ACSM2B: variants seen among roughly 807,000 people sequenced by gnomAD.
ACSM2B encodes the protein acyl-CoA synthetase medium chain family member 2B, also known as acyl-coenzyme A synthetase ACSM2B, mitochondrial.
A neutral mutation model predicts 78.6 loss-of-function variants in ACSM2B; 58 were observed. The observed-to-expected ratio is 0.74, with a 90% confidence interval of 0.60 to 0.92. The LOEUF (loss-of-function observed/expected upper bound fraction) is 0.92. ACSM2B is among the 40% of genes least tolerant of loss of function. The probability of loss-of-function intolerance (pLI) is 0.00; values close to 1 mark genes in which losing one functional copy is unlikely to be tolerated. For synonymous variants in ACSM2B, 257 were observed against 256.8 expected, an observed-to-expected ratio of 1.00 and a Z score of -0.01; for missense variants, 688 against 711.2, an observed-to-expected ratio of 0.97 and a Z score of 0.37.
rs552030555 is a variant in ACSM2B at position 20,548,479 on chromosome 16, A to G, written c.895-6T>C. ...ATTGGATAACTGGAGAGTGTCTGGAAGACAAGAGCCAGGTGAGACATTGGT... is the reference window on the plus strand; with the variant it reads ...ATTGGATAACTGGAGAGTGTCTGGAGGACAAGAGCCAGGTGAGACATTGGT... On this transcript the variant is annotated splice_polypyrimidine_tract_variant and splice_region_variant and intron_variant, in intron 6 of 13. Coordinates refer to ENST00000329697, the MANE Select transcript of ACSM2B (RefSeq NM_001105069.2). 45 of 1,613,588 alleles carry G rather than the reference A, an allele frequency of 2.8e-5. No homozygotes were observed. Among genetic ancestry groups the G allele is most frequent in the Admixed American group, 1.0e-4 (6 of 59,996 alleles).
chr16:20,538,949 C>T (rs1210436344), intron 13 of ACSM2B, among the ~76,000 whole-genome samples: 1 of 152,220 alleles, frequency 6.6e-6, no homozygotes, highest in Non-Finnish European at 1.5e-5. Flanking sequence ...CACCAGACCC[C>T]TGTGGGGATT....
At chr16:20,553,041 C>T (rs1186953373) in intron 5 of ACSM2B, among the ~76,000 whole-genome samples, 1 of 152,034 alleles carries the variant, frequency 6.6e-6, no homozygotes, top group Admixed American at 6.6e-5. Context: ...GTAATTTATC[C>T]CCATCTTTTA....
chr16:20,566,312 T>C (rs1371239850), intron 1 of ACSM2B, among the ~76,000 whole-genome samples: 36 of 135,194 alleles, frequency 2.7e-4, no homozygotes, highest in African/African-American at 8.6e-4. Flanking sequence ...TATAAATATA[T>C]ATCCATCAGC....
chr16:20,561,510 C>G (rs1251700472), intron 2 of ACSM2B, among the ~76,000 whole-genome samples: 1 of 151,698 alleles, frequency 6.6e-6, no homozygotes, highest in Non-Finnish European at 1.5e-5. Context: ...GGTGCTAAGT[C>G]ATTCGTGTGG....
chr16:20,549,320 G>A (rs1193082413), intron 6 of ACSM2B, among the ~76,000 whole-genome samples: 1 of 152,084 alleles, frequency 6.6e-6, no homozygotes, highest in African/African-American at 2.4e-5. Context: ...TGCAGTTCTA[G>A]GGGCTGGAAA....
chr16:20,566,735 T>C (rs2015892246), intron 1 of ACSM2B, among the ~76,000 whole-genome samples: 1 of 12,062 alleles, frequency 8.3e-5, no homozygotes, highest in African/African-American at 4.4e-4. Flanking sequence ...CTATATATAG[T>C]ATATACTATA....
chr16:20,544,200 C>T (rs983793244), intron 10 of ACSM2B, among the ~76,000 whole-genome samples: 1 of 152,190 alleles, frequency 6.6e-6, no homozygotes, highest in Non-Finnish European at 1.5e-5. Context: ...TGTGGCTCTG[C>T]CCTGATCGCT....
Position 20,552,235 on chromosome 16 carries a change from T to C in ACSM2B, c.803A>G (p.Asn268Ser). Residue 268 changes from asparagine (N) to serine (S), a missense_variant, in exon 6 of 14, where the codon AAC becomes AGC. Coordinates refer to ENST00000329697, the MANE Select transcript of ACSM2B (RefSeq NM_001105069.2). ...AGATTCCAAAAGTGAGCCCAAGATG[T>C]TCAGTATCCAACCTGTGTCTGATAT... ...WTISDTGWILNILGSLLESWT... is the reference protein window; with the variant it reads ...WTISDTGWILSILGSLLESWT... 6 of 1,613,912 alleles carry C rather than the reference T, an allele frequency of 3.7e-6. No individual in the cohort carries two copies. Among genetic ancestry groups the C allele is most frequent in the Non-Finnish European group, 5.1e-6 (6 of 1,179,846 alleles).
intron 1 of ACSM2B, among the ~76,000 whole-genome samples, chr16:20,575,248 G>A (rs1408683985): frequency 6.6e-6 from 1 of 151,468 alleles, no homozygotes; most frequent in African/African-American, 2.4e-5. Context: ...GGGTTCTCTA[G>A]AGAAACAGAA....
intron 1 of ACSM2B, among the ~76,000 whole-genome samples, chr16:20,570,618 C>T (rs1186529760): frequency 1.3e-5 from 2 of 151,586 alleles, no homozygotes; most frequent in African/African-American, 2.4e-5. Context: ...TGTGGAATAG[C>T]GTCGATAGGA....
intron 2 of ACSM2B, among the ~76,000 whole-genome samples, chr16:20,564,011 C>G (rs1222092367): frequency 6.6e-6 from 1 of 150,492 alleles, no homozygotes; most frequent in East Asian, 1.9e-4. Flanking sequence ...CTTTTGATAA[C>G]TGTCACCTCG....
chr16:20,550,147 G>T (rs1218525796), intron 6 of ACSM2B, among the ~76,000 whole-genome samples: 4 of 152,170 alleles, frequency 2.6e-5, no homozygotes, highest in Non-Finnish European at 5.9e-5. Context: ...AGTCCATTCA[G>T]ATGGTTGGGA....
chr16:20,558,716 C>G (rs1450161232), intron 3 of ACSM2B, among the ~76,000 whole-genome samples: 3 of 152,158 alleles, frequency 2.0e-5, no homozygotes, highest in African/African-American at 7.2e-5. Context: ...CTGCAAAGAG[C>G]CAAATAGTAA....
At position 20,537,281 on chromosome 16, in the gene ACSM2B, A is replaced by T. The variant is rs753047992; in HGVS notation, c.1711T>A (p.Ser571Thr). The change falls in exon 14 of 14, where the codon TCC (serine) becomes ACC (threonine). Residue 571 changes from serine (S) to threonine (T), a missense_variant. Transcript: ENST00000329697. The stretch of plus-strand genomic sequence containing the variant: ...CCTCACTGCGCACGGGCTTTTCCGG[A>T]CATCTTCCACTCCTTGTCTCGAAGT... ...TKLRDKEWKM[S>T]GKARAQ is the part of the protein sequence containing the mutation. The T allele has an allele frequency of 6.2e-7, 1 of 1,614,058 alleles. No homozygotes were observed. The highest frequency in any genetic ancestry group is 1.1e-5 in the South Asian group (1 of 91,078).
rs539659203 is a variant in ACSM2B, at chr16:20,537,148, C to T, written c.*110G>A. The T allele has an allele frequency of 6.8e-6, 9 of 1,330,156 alleles. No individual in the cohort carries two copies. In the East Asian group the frequency reaches 1.6e-4, roughly 24 times the overall value. 82.4% of individuals were successfully genotyped at this position (1,330,156 alleles called of 1,614,324 possible). On this transcript the variant is annotated 3_prime_UTR_variant, in exon 14 of 14. Transcript: ENST00000329697. ...AATAACCAGGGCAAGACAAAACTTA[C>T]ATTCATGTTCTTTCATAAAGAATCT...
At chr16:20,554,325 G>T in intron 4 of ACSM2B, 1 of 363,430 alleles carries the variant, frequency 2.8e-6, no homozygotes, top group South Asian at 2.2e-5. Flanking sequence ...TGGACAGGAG[G>T]GGTGGAATTA....
intron 2 of ACSM2B, among the ~76,000 whole-genome samples, chr16:20,560,160 T>A (rs188306132): frequency 8.6e-5 from 13 of 151,140 alleles, no homozygotes; most frequent in African/African-American, 3.2e-4. Context: ...CGTTACACAA[T>A]CACCTGTCAT....
At chr16:20,547,847 A>T (rs539415278) in intron 8 of ACSM2B, 9 of 1,231,810 alleles carry the variant, frequency 7.3e-6, no homozygotes, top group Non-Finnish European at 8.7e-6. Context: ...TCTCTCCCCA[A>T]ATCTCACTGG....
chr16:20,550,456 T>C (rs2152136468), intron 6 of ACSM2B, among the ~76,000 whole-genome samples: 1 of 152,266 alleles, frequency 6.6e-6, no homozygotes, highest in South Asian at 2.1e-4. Context: ...ACCTATATTT[T>C]CCTAATGGGC....
Sources: gnomAD v4.1 joint callset for allele counts (sites outside exome capture counted in the v4.1 genomes callset) on GRCh38, gnomAD v4.1.1 for gene constraint, MANE v1.5 for transcripts, NCBI Gene and HGNC (gene_info 2026-07-23, HGNC 2026-07-21) for gene names.